The following MEI1 variants were observed in gnomAD, a reference collection of about 807,000 sequenced individuals.
The protein encoded by MEI1 is meiosis inhibitor protein 1.
Under a neutral mutation model 146.2 loss-of-function variants are expected in MEI1, and 103 were observed. The ratio of observed to expected loss-of-function variants is 0.70; its 90% CI spans 0.60 to 0.83. The LOEUF (loss-of-function observed/expected upper bound fraction) is 0.83. MEI1 is among the 40% of genes least tolerant of loss of function. MEI1 has a pLI of 0.00. For missense variants in MEI1, 1,529 were observed against 1,533.0 expected (o/e 1.00, Z 0.04); for synonymous variants, 652 against 628.2 (o/e 1.04, Z -0.57).
intron 7 of MEI1, among the ~76,000 whole-genome samples, chr22:41,728,646 C>T (rs956410957): frequency 2.6e-5 from 4 of 152,156 alleles, no homozygotes; most frequent in Admixed American, 6.5e-5. Flanking sequence ...AGGTGGATGG[C>T]TTAAGCTCAG....
rs748933807 is a variant in MEI1 at position 41,795,592 on chromosome 22, C to T, written c.3666+50C>T. ...AGCCACTGTAAAGCTAGACCCTCAA[C>T]ACCATCTTCTCTTGGAGGGTGGGAG... On this transcript the variant is annotated intron_variant, in intron 29 of 30. Transcript: ENST00000401548. This position sits in a 1 kb window ranked among gnomAD's most constrained non-coding sequence, Gnocchi z 4.2. 1.2e-6 allele frequency: 2 copies of T among 1,610,668 alleles called. No individual in the cohort carries two copies. Among genetic ancestry groups the T allele is most frequent in the South Asian group, 1.1e-5 (1 of 90,856 alleles).
chr22:41,780,582 T>C (rs867167609), intron 22 of MEI1, among the ~76,000 whole-genome samples: 73 of 134,276 alleles, frequency 5.4e-4, no homozygotes, highest in African/African-American at 2.0e-3. Context: ...TTTTCTTTTC[T>C]TTTTTTTTTT....
chr22:41,714,606 C>A (rs1418454982), intron 4 of MEI1, among the ~76,000 whole-genome samples: 1 of 152,008 alleles, frequency 6.6e-6, no homozygotes, highest in Non-Finnish European at 1.5e-5. Flanking sequence ...CACAATGGCT[C>A]ACACCTGTAA....
At chr22:41,715,596 T>C (rs1229753585) in intron 4 of MEI1, among the ~76,000 whole-genome samples, 2 of 151,914 alleles carry the variant, frequency 1.3e-5, no homozygotes, top group African/African-American at 2.4e-5. Context: ...GGGGTTTCAC[T>C]GTGTTAGCCA....
Position 41,763,300 on chromosome 22 carries a change from CAA to C in MEI1, c.2249_2250del (p.Lys750ArgfsTer6). The C allele has an allele frequency of 6.2e-7, 1 of 1,613,914 alleles. No homozygotes were observed. Among genetic ancestry groups the C allele is most frequent in the Non-Finnish European group, 8.5e-7 (1 of 1,179,866 alleles). ...TCTATCTGCTTGCAATCTGCCAGGA[CAA>C]AGACAATACACTACGTGAGGTATGG... is the stretch of plus-strand genomic sequence containing the variant. The part of the protein sequence containing the change: ...SIYLLAICQD[K>X]DNTLRETMVS... On this transcript the variant is annotated frameshift_variant, in exon 19 of 31. Transcript: ENST00000401548. LOFTEE classifies it high-confidence loss of function.
intron 6 of MEI1, among the ~76,000 whole-genome samples, chr22:41,719,533 A>C (rs1347915626): frequency 6.6e-6 from 1 of 151,900 alleles, no homozygotes; most frequent in East Asian, 1.9e-4. Context: ...TAACAAACCC[A>C]CTCCCATGGT....
At chr22:41,744,002 G>A (rs939342645) in intron 12 of MEI1, among the ~76,000 whole-genome samples, 8 of 141,276 alleles carry the variant, frequency 5.7e-5, no homozygotes, top group African/African-American at 1.1e-4. Flanking sequence ...TCAGCCTCCC[G>A]AGTAGCTGGG....
At chr22:41,752,257 T>G (rs2073810334) in intron 15 of MEI1, among the ~76,000 whole-genome samples, 1 of 152,204 alleles carries the variant, frequency 6.6e-6, no homozygotes, top group Non-Finnish European at 1.5e-5. Flanking sequence ...TAGGTCCTTG[T>G]CAAATGTACC....
chr22:41,790,471 A>G (rs1051814127), intron 26 of MEI1, among the ~76,000 whole-genome samples: 1 of 152,194 alleles, frequency 6.6e-6, no homozygotes, highest in African/African-American at 2.4e-5. Context: ...TAACCCAGCA[A>G]TAGAGGAAAT....
intron 11 of MEI1, among the ~76,000 whole-genome samples, chr22:41,738,281 C>T (rs2072554491): frequency 6.6e-6 from 1 of 151,762 alleles, no homozygotes; most frequent in Non-Finnish European, 1.5e-5. Flanking sequence ...GGTGAAACCC[C>T]ATCTTTACTA....
chr22:41,731,413 A>G (rs1042453436), intron 9 of MEI1, among the ~76,000 whole-genome samples: 1 of 151,410 alleles, frequency 6.6e-6, no homozygotes, highest in African/African-American at 2.4e-5. Flanking sequence ...CAATGGCACA[A>G]TCTTGGATCA....
At position 41,731,610 on chromosome 22, in the gene MEI1, G is replaced by A. The variant is rs193043993; in HGVS notation, c.1097-635G>A. On this transcript the variant is annotated intron_variant, in intron 9 of 30. Transcript: ENST00000401548. The stretch of plus-strand genomic sequence containing the variant: ...TGACCTCAGGTGATCTGCCTGCCTC[G>A]GCCTCCCAAAGTGCTGGGATTACAG... Among the ~76,000 whole-genome samples the A allele has an allele frequency of 5.3e-5, 8 of 152,166 alleles. No individual in the cohort carries two copies. The East Asian group carries it at 1.2e-3, about 22-fold the overall frequency.
chr22:41,758,985 A>G (rs769057679), intron 18 of MEI1, among the ~76,000 whole-genome samples: 2 of 152,022 alleles, frequency 1.3e-5, no homozygotes, highest in Non-Finnish European at 2.9e-5. Context: ...TCCACAAAAC[A>G]TACAAAAATT....
At chr22:41,780,865 G>A (rs185015353) in intron 22 of MEI1, among the ~76,000 whole-genome samples, 12 of 152,294 alleles carry the variant, frequency 7.9e-5, no homozygotes, top group Non-Finnish European at 1.3e-4. Context: ...GATTACAGGC[G>A]TAAGCCACTG....
rs1321750685 is a variant in MEI1 at position 41,784,273 on chromosome 22, GGCAGGTTATTTTCTGCCCAGGCTT to G, written c.3088-65_3088-42del. 9 of 1,421,110 alleles carry G rather than the reference GGCAGGTTATTTTCTGCCCAGGCTT, an allele frequency of 6.3e-6. No individual in the cohort carries two copies. In the East Asian group the frequency reaches 2.0e-4, roughly 32 times the overall value. The allele number at this position is 1,421,110 out of a possible 1,614,324, so 88.0% of individuals were successfully genotyped here. A position where few individuals can be genotyped will look rare whatever the true frequency, so the allele number is the denominator to read the frequency against. On this transcript the variant is annotated intron_variant, in intron 24 of 30. Coordinates refer to ENST00000401548, the MANE Select transcript of MEI1 (RefSeq NM_152513.4). ...GGGGAGGTGATAGAAGAGATTTTCA[GGCAGGTTATTTTCTGCCCAGGCTT>G]CCAGAACATGGGGGTTAGCCCTTTA...
intron 11 of MEI1, among the ~76,000 whole-genome samples, chr22:41,735,811 C>T (rs1179033296): frequency 6.6e-6 from 1 of 152,146 alleles, no homozygotes; most frequent in African/African-American, 2.4e-5. Flanking sequence ...AGCCTCTAGC[C>T]CTGGTTCTCT....
rs984702207 is a variant in MEI1 at position 41,721,237 on chromosome 22, C to CTTTTTTT, written c.734-2687_734-2681dup. Among the ~76,000 whole-genome samples, 126 of 70,484 alleles carry CTTTTTTT rather than the reference C, an allele frequency of 1.8e-3. 7 individuals are homozygous for CTTTTTTT. The highest frequency in any genetic ancestry group is 7.9e-3 in the African/African-American group (116 of 14,598). 46.2% of individuals were successfully genotyped at this position (70,484 alleles called of 152,430 possible). A position where few individuals can be genotyped will look rare whatever the true frequency, so the allele number is the denominator to read the frequency against. On this transcript the variant is annotated intron_variant, in intron 6 of 30. Transcript: ENST00000401548. ...ACAGGTGTTAGCCACCACGCCCGTT[C>CTTTTTTT]TTTTTTTTTTTTTTTTTTTTTTTTT...
At chr22:41,765,270 C>T (rs1459816017) in intron 19 of MEI1, among the ~76,000 whole-genome samples, 1 of 152,180 alleles carries the variant, frequency 6.6e-6, no homozygotes, top group Non-Finnish European at 1.5e-5. Flanking sequence ...CCCACCTCAG[C>T]CTTTCAAAGT....
At chr22:41,771,748 T>G (rs890572397) in intron 20 of MEI1, among the ~76,000 whole-genome samples, 1 of 152,136 alleles carries the variant, frequency 6.6e-6, no homozygotes, top group Non-Finnish European at 1.5e-5. Flanking sequence ...GTGGCTGGCT[T>G]TAACTCCACT....
Sources: gnomAD v4.1 joint callset for allele counts (sites outside exome capture counted in the v4.1 genomes callset) on GRCh38, gnomAD v4.1.1 for gene constraint, Gnocchi (gnomAD v3.1) non-coding constraint, MANE v1.5 for transcripts, NCBI Gene and HGNC (gene_info 2026-07-23, HGNC 2026-07-21) for gene names.